Variants in DCHS2 observed in about 807,000 individuals in gnomAD.
The protein encoded by DCHS2 is dachsous cadherin-related 2.
DCHS2 carries 142 observed loss-of-function variants against 182.4 expected under a neutral mutation model. That is an observed-to-expected ratio of 0.78 (90% CI 0.68 to 0.89). DCHS2 has a LOEUF of 0.89. Among genes scored for constraint, DCHS2 ranks in the 40% least tolerant of loss-of-function variants. The pLI, the probability that DCHS2 is intolerant of heterozygous loss-of-function variation, is 0.00. For synonymous variants in DCHS2, 1,740 were observed against 1,663.3 expected (o/e 1.05, Z -1.12); for missense variants, 4,319 against 4,198.6 (o/e 1.03, Z -0.79).
chr4:154,355,053 T>C (rs1329152990), intron 3 of DCHS2, among the ~76,000 whole-genome samples: 1 of 151,908 alleles, frequency 6.6e-6, no homozygotes, highest in Non-Finnish European at 1.5e-5. Flanking sequence ...ATATTAGAGG[T>C]GCTTGAACCA....
chr4:154,234,406 A>T lies in DCHS2; in HGVS notation c.*130T>A, dbSNP rs1731340523. ...GGAGAAACTTTAATGGGGAAGTTTT[A>T]AAAACTCTAACTAAATTACATCACT... On this transcript the variant is annotated 3_prime_UTR_variant, in exon 20 of 20. Coordinates refer to ENST00000357232, the MANE Select transcript of DCHS2 (RefSeq NM_001358235.2). 8.4e-6 allele frequency: 11 copies of T among 1,314,692 alleles called. No homozygotes were observed. The highest frequency in any genetic ancestry group is 3.1e-5 in the Admixed American group (1 of 32,512). 81.4% of individuals were successfully genotyped at this position (1,314,692 alleles called of 1,614,324 possible).
At chr4:154,317,489 A>G (rs556739113) in intron 9 of DCHS2, among the ~76,000 whole-genome samples, 6 of 152,354 alleles carry the variant, frequency 3.9e-5, no homozygotes, top group African/African-American at 7.2e-5. Flanking sequence ...AAATTTTCCA[A>G]CGGAATATAG....
chr4:154,469,318 A>G (rs1735365658), intron 1 of DCHS2, among the ~76,000 whole-genome samples: 1 of 152,156 alleles, frequency 6.6e-6, no homozygotes, highest in African/African-American at 2.4e-5. Context: ...AGTGTATTCA[A>G]TACAACAGTG....
chr4:154,266,040 C>A (rs561797866), intron 14 of DCHS2, among the ~76,000 whole-genome samples: 1 of 152,252 alleles, frequency 6.6e-6, no homozygotes. Flanking sequence ...GTAAAAGTTA[C>A]GTGAATGTGG....
At chr4:154,276,048 G>C (rs1733841147) in intron 13 of DCHS2, among the ~76,000 whole-genome samples, 1 of 152,046 alleles carries the variant, frequency 6.6e-6, no homozygotes, top group South Asian at 2.1e-4. Flanking sequence ...AGATTCTCTT[G>C]AAAAAAGATA....
intron 3 of DCHS2, among the ~76,000 whole-genome samples, chr4:154,335,438 T>C (rs949628515): frequency 1.3e-5 from 2 of 152,188 alleles, no homozygotes; most frequent in African/African-American, 2.4e-5. Flanking sequence ...CTGGTTTTTC[T>C]CCAGCCTTCA....
chr4:154,258,481 A>T (rs183557802), intron 15 of DCHS2, among the ~76,000 whole-genome samples: 5 of 146,970 alleles, frequency 3.4e-5, no homozygotes, highest in African/African-American at 1.3e-4. Context: ...AGGTTCAAGC[A>T]ATTCTCCTGC....
At chr4:154,487,878 G>A (rs871540) in intron 1 of DCHS2, among the ~76,000 whole-genome samples, 105,998 of 152,150 alleles carry the variant, frequency 0.7, 38,032 homozygotes, top group East Asian at 0.99. Context: ...TCTCCCATCA[G>A]ATAAGAAATA....
chr4:154,477,246 C>T (rs1302962223), intron 1 of DCHS2, among the ~76,000 whole-genome samples: 1 of 152,154 alleles, frequency 6.6e-6, no homozygotes, highest in Non-Finnish European at 1.5e-5. Flanking sequence ...AGAGATTCAA[C>T]TCCTCTCTCT....
chr4:154,474,664 C>A (rs1409127450), intron 1 of DCHS2, among the ~76,000 whole-genome samples: 3 of 148,478 alleles, frequency 2.0e-5, no homozygotes, highest in Non-Finnish European at 4.5e-5. Flanking sequence ...GACCCTCAGG[C>A]TCCCCGATCC....
chr4:154,291,186 G>T (rs922969653), intron 13 of DCHS2, among the ~76,000 whole-genome samples: 1 of 151,902 alleles, frequency 6.6e-6, no homozygotes, highest in African/African-American at 2.4e-5. Context: ...TATAAGAAAA[G>T]GTGCTCAACA....
At chr4:154,455,532 TGTA>T (rs1417632031) in intron 1 of DCHS2, among the ~76,000 whole-genome samples, 1 of 152,212 alleles carries the variant, frequency 6.6e-6, no homozygotes, top group Non-Finnish European at 1.5e-5. Context: ...AATTCTATGT[TGTA>T]GGTTTGCTTG....
intron 1 of DCHS2, among the ~76,000 whole-genome samples, chr4:154,431,985 C>A (rs1733578496): frequency 6.6e-6 from 1 of 152,116 alleles, no homozygotes; most frequent in Non-Finnish European, 1.5e-5. Context: ...TATTTACCTG[C>A]CATTGTTATT....
intron 1 of DCHS2, among the ~76,000 whole-genome samples, chr4:154,379,994 G>A (rs944900752): frequency 6.6e-6 from 1 of 152,018 alleles, no homozygotes; most frequent in Non-Finnish European, 1.5e-5. Flanking sequence ...TTCATTTAAT[G>A]GGTTAATTTA....
chr4:154,236,769 C>T lies in DCHS2; in HGVS notation c.7883G>A (p.Ser2628Asn). Residue 2628 changes from serine to asparagine, a missense_variant, in exon 20 of 20, where the codon AGT becomes AAT. Coordinates refer to ENST00000357232, the MANE Select transcript of DCHS2 (RefSeq NM_001358235.2). ...CAGAATGACAAGCTCATGGCTAGCA[C>T]TTGCTTCTCTGTCCAGACTGTGAAG... Reference protein sequence around the residue: ...VLLHSLDREASASHELVILAS... With the variant: ...VLLHSLDREANASHELVILAS... The T allele has an allele frequency of 1.2e-6, 2 of 1,613,978 alleles. No individual in the cohort carries two copies. The highest frequency in any genetic ancestry group is 8.5e-7 in the Non-Finnish European group (1 of 1,179,960).
At chr4:154,309,219 A>T (rs952646068) in intron 10 of DCHS2, among the ~76,000 whole-genome samples, 2 of 152,056 alleles carry the variant, frequency 1.3e-5, no homozygotes, top group Non-Finnish European at 2.9e-5. Flanking sequence ...AGTGTCTCAG[A>T]TCCAAATCTG....
At chr4:154,343,999 G>A (rs1729238313) in intron 3 of DCHS2, among the ~76,000 whole-genome samples, 2 of 152,016 alleles carry the variant, frequency 1.3e-5, no homozygotes, top group Non-Finnish European at 2.9e-5. Flanking sequence ...GTTATTAACT[G>A]CCAAATTTCA....
intron 13 of DCHS2, among the ~76,000 whole-genome samples, chr4:154,275,277 C>A (rs1436355565): frequency 6.6e-6 from 1 of 152,012 alleles, no homozygotes; most frequent in Non-Finnish European, 1.5e-5. Context: ...GGAAAAAGAG[C>A]AAGAAAACCC....
At chr4:154,380,307 T>C (rs1282645590) in intron 1 of DCHS2, among the ~76,000 whole-genome samples, 2 of 152,142 alleles carry the variant, frequency 1.3e-5, no homozygotes, top group Non-Finnish European at 2.9e-5. Context: ...CATCACTTCT[T>C]CTCATATTGT....
Sources: allele counts gnomAD v4.1 joint callset (sites outside exome capture counted in the v4.1 genomes callset), GRCh38; gene constraint gnomAD v4.1.1; transcripts MANE v1.5; gene names NCBI Gene and HGNC (gene_info 2026-07-23, HGNC 2026-07-21).